Variants in KCNH7 observed in about 807,000 individuals in gnomAD.
The protein encoded by KCNH7 is voltage-gated inwardly rectifying potassium channel KCNH7.
Under a neutral mutation model 120.8 loss-of-function variants are expected in KCNH7, and 49 were observed. The ratio of observed to expected loss-of-function variants is 0.41; its 90% CI spans 0.32 to 0.51. The LOEUF (loss-of-function observed/expected upper bound fraction) is 0.51, where lower values mean the gene tolerates loss of function less well. KCNH7 is among the 20% of genes least tolerant of loss of function. The pLI, the probability that KCNH7 is intolerant of heterozygous loss-of-function variation, is 0.38. For synonymous variants in KCNH7, 547 were observed against 516.1 expected, an observed-to-expected ratio of 1.06 and a Z score of -0.81; for missense variants, 1,097 against 1,446.6, an observed-to-expected ratio of 0.76 and a Z score of 3.92.
At position 162,569,842 on chromosome 2, in the gene KCNH7, G is replaced by A. The variant is rs575488721; in HGVS notation, c.308-32762C>T. Among the ~76,000 whole-genome samples the A allele has an allele frequency of 3.1e-3, 385 of 124,166 alleles. 5 individuals carry two copies. The highest frequency in any genetic ancestry group is 0.012 in the African/African-American group (363 of 29,742). 81.5% of individuals were successfully genotyped at this position (124,166 alleles called of 152,430 possible). A position where few individuals can be genotyped will look rare whatever the true frequency, so the allele number is the denominator to read the frequency against. ...AGTGTCCATGTAGTTGAGTGGTTTTGAGTGAGATTCTTAATCCTGAGTTCT... is the reference window on the plus strand; with the variant it reads ...AGTGTCCATGTAGTTGAGTGGTTTTAAGTGAGATTCTTAATCCTGAGTTCT... On this transcript the variant is annotated intron_variant, in intron 2 of 15. Transcript: ENST00000332142.
chr2:162,446,195 A>G lies in KCNH7; in HGVS notation c.1377T>C (p.Asp459=), dbSNP rs750596234. The change falls in exon 7 of 16, where the codon GAT becomes GAC. Residue 459 remains aspartate (D), a synonymous_variant. Coordinates refer to ENST00000332142, the MANE Select transcript of KCNH7 (RefSeq NM_033272.4). The stretch of plus-strand genomic sequence containing the variant: ...TTAAAATATCTATGATAAACATAAT[A>G]TCCACAATCAAGTCTACCACATTCA... ...SPLNVVDLIV[D]IMFIIDILIN... is the part of the protein sequence containing the mutation. 1.9e-6 allele frequency: 3 copies of G among 1,613,720 alleles called. No individual in the cohort carries two copies. Among genetic ancestry groups the G allele is most frequent in the African/African-American group, 1.3e-5 (1 of 75,046 alleles).
intron 2 of KCNH7, among the ~76,000 whole-genome samples, chr2:162,718,847 A>AAGTCATGTTC (rs1687227236): frequency 6.6e-6 from 1 of 151,938 alleles, no homozygotes; most frequent in South Asian, 2.1e-4. Context: ...GCTCTCTATA[A>AAGTCATGTTC]AGTCATGTTC....
At chr2:162,713,810 A>G (rs1026177576) in intron 2 of KCNH7, among the ~76,000 whole-genome samples, 7 of 152,120 alleles carry the variant, frequency 4.6e-5, no homozygotes, top group Non-Finnish European at 1.5e-5. Context: ...ATACAATAGC[A>G]TGATCTCAGC....
chr2:162,807,901 C>A (rs949879207), intron 2 of KCNH7, among the ~76,000 whole-genome samples: 1 of 152,152 alleles, frequency 6.6e-6, no homozygotes, highest in Admixed American at 6.5e-5. Context: ...CCAGGCTGGT[C>A]TCGAACTCCT....
chr2:162,629,954 G>A (rs1683706734), intron 2 of KCNH7, among the ~76,000 whole-genome samples: 2 of 152,120 alleles, frequency 1.3e-5, no homozygotes, highest in South Asian at 4.1e-4. Context: ...TTTGGATTGA[G>A]TTGATTTTAC....
intron 2 of KCNH7, among the ~76,000 whole-genome samples, chr2:162,760,916 A>G (rs1345042670): frequency 3.9e-5 from 6 of 152,102 alleles, no homozygotes; most frequent in Non-Finnish European, 8.8e-5. Context: ...TCACTTATGA[A>G]CAATACATTA....
chr2:162,649,804 G>A (rs1043083522), intron 2 of KCNH7, among the ~76,000 whole-genome samples: 10 of 152,096 alleles, frequency 6.6e-5, no homozygotes, highest in Admixed American at 2.0e-4. Flanking sequence ...GTCAGTAACC[G>A]AGTATAATTA....
At chr2:162,523,102 T>C (rs1691587792) in intron 3 of KCNH7, among the ~76,000 whole-genome samples, 1 of 151,830 alleles carries the variant, frequency 6.6e-6, no homozygotes, top group African/African-American at 2.4e-5. Flanking sequence ...AAAATTCACG[T>C]CAGGTTAGCA....
chr2:162,432,882 T>A (rs545396717), intron 8 of KCNH7, among the ~76,000 whole-genome samples: 4 of 152,060 alleles, frequency 2.6e-5, no homozygotes, highest in Non-Finnish European at 5.9e-5. Flanking sequence ...TCTTTGCTGA[T>A]AATATTATTC....
intron 2 of KCNH7, among the ~76,000 whole-genome samples, chr2:162,638,530 C>A (rs571168323): frequency 6.6e-6 from 1 of 151,876 alleles, no homozygotes; most frequent in Non-Finnish European, 1.5e-5. Flanking sequence ...TAACTCTGAA[C>A]GGTTGATGAA....
chr2:162,395,035 G>A (rs951109629), intron 11 of KCNH7, among the ~76,000 whole-genome samples: 1 of 151,688 alleles, frequency 6.6e-6, no homozygotes, highest in Non-Finnish European at 1.5e-5. Context: ...TCATCCTTAT[G>A]ATTTTTTAAT....
chr2:162,441,656 G>A (rs1376528681), intron 7 of KCNH7, among the ~76,000 whole-genome samples: 2 of 152,136 alleles, frequency 1.3e-5, no homozygotes, highest in African/African-American at 4.8e-5. Context: ...ATTTGCCATA[G>A]ATGAGCTAAA....
intron 3 of KCNH7, among the ~76,000 whole-genome samples, chr2:162,535,981 C>T (rs1309685079): frequency 6.6e-6 from 1 of 151,714 alleles, no homozygotes; most frequent in Non-Finnish European, 1.5e-5. Flanking sequence ...GATAAATTAA[C>T]TGTATACTCT....
intron 12 of KCNH7, among the ~76,000 whole-genome samples, chr2:162,388,700 G>A (rs1315676599): frequency 6.6e-6 from 1 of 151,782 alleles, no homozygotes; most frequent in Non-Finnish European, 1.5e-5. Context: ...GTTTATCACT[G>A]AATACATTTA....
intron 6 of KCNH7, among the ~76,000 whole-genome samples, chr2:162,483,877 G>A (rs73020640): frequency 0.064 from 9,707 of 152,152 alleles, 1,006 homozygotes; most frequent in African/African-American, 0.21. Context: ...GAGACTAGGA[G>A]GAGTCAGGCT....
intron 9 of KCNH7, among the ~76,000 whole-genome samples, chr2:162,421,872 T>C (rs1184239396): frequency 6.6e-6 from 1 of 152,130 alleles, no homozygotes; most frequent in Non-Finnish European, 1.5e-5. Flanking sequence ...TCTGGCAGTA[T>C]GGAACAACAA....
chr2:162,620,226 A>C (rs1253424397), intron 2 of KCNH7, among the ~76,000 whole-genome samples: 1 of 148,146 alleles, frequency 6.8e-6, no homozygotes. Flanking sequence ...ATATATAGAG[A>C]GAGGAAAATC....
chr2:162,605,941 G>T (rs778094822), intron 2 of KCNH7, among the ~76,000 whole-genome samples: 8 of 151,946 alleles, frequency 5.3e-5, no homozygotes, highest in Non-Finnish European at 1.2e-4. Flanking sequence ...ATAAGATTCA[G>T]AATAATTATT....
At chr2:162,578,763 G>A in intron 2 of KCNH7, among the ~76,000 whole-genome samples, 1 of 152,008 alleles carries the variant, frequency 6.6e-6, no homozygotes, top group East Asian at 1.9e-4. Context: ...ATTCCTGAGT[G>A]TAGAAGTGGG....
Sources: gnomAD v4.1 joint callset for allele counts (sites outside exome capture counted in the v4.1 genomes callset) on GRCh38, gnomAD v4.1.1 for gene constraint, MANE v1.5 for transcripts, NCBI Gene and HGNC (gene_info 2026-07-23, HGNC 2026-07-21) for gene names.